The following VDAC1 variants were observed in gnomAD, a reference collection of about 807,000 sequenced individuals.
VDAC1 encodes non-selective voltage-gated ion channel VDAC1.
A neutral mutation model predicts 34.7 loss-of-function variants in VDAC1; 10 were observed. The ratio of observed to expected loss-of-function variants is 0.29; its 90% CI spans 0.18 to 0.49. The LOEUF (loss-of-function observed/expected upper bound fraction) is 0.49. VDAC1 is among the 20% of genes least tolerant of loss of function. VDAC1 has a pLI of 0.99. For missense variants in VDAC1, 230 were observed against 347.9 expected (o/e 0.66, Z 2.69); for synonymous variants, 130 against 136.0 (o/e 0.96, Z 0.30).
the VDAC1 span, among the ~76,000 whole-genome samples, chr5:134,041,712 G>A: frequency 3.3e-5 from 5 of 152,176 alleles, no homozygotes; most frequent in Admixed American, 2.0e-4. Flanking sequence ...TGGGACTTGG[G>A]CCTCCTGCCT....
At chr5:134,001,715 TAAAAA>T (rs10717143) in intron 1 of VDAC1, among the ~76,000 whole-genome samples, 3 of 110,470 alleles carry the variant, frequency 2.7e-5, no homozygotes, top group Admixed American at 9.9e-5. Context: ...AGACTCCATC[TAAAAA>T]AAAAAAAAAA....
chr5:133,995,064 T>C (rs1753247481), intron 1 of VDAC1, among the ~76,000 whole-genome samples: 1 of 152,054 alleles, frequency 6.6e-6, no homozygotes, highest in Non-Finnish European at 1.5e-5. Context: ...CTCTCATCGC[T>C]AATCCCCAAA....
chr5:133,993,771 C>T (rs1458375207), intron 1 of VDAC1, among the ~76,000 whole-genome samples: 9 of 152,196 alleles, frequency 5.9e-5, no homozygotes, highest in African/African-American at 1.2e-4. Context: ...AGTCAATCAA[C>T]AAACATTTAT....
At chr5:134,064,181 A>G in the VDAC1 span, among the ~76,000 whole-genome samples, 1 of 151,738 alleles carries the variant, frequency 6.6e-6, no homozygotes, top group Non-Finnish European at 1.5e-5. Flanking sequence ...TGAATATAAA[A>G]TTGCAATTTT....
At chr5:134,016,766 C>G in the VDAC1 span, among the ~76,000 whole-genome samples, 1 of 152,214 alleles carries the variant, frequency 6.6e-6, no homozygotes, top group African/African-American at 2.4e-5. Context: ...TGGTGCCAGC[C>G]TGGTAGAGCT....
chr5:134,031,726 G>A, the VDAC1 span, among the ~76,000 whole-genome samples: 7 of 152,150 alleles, frequency 4.6e-5, no homozygotes, highest in Non-Finnish European at 7.4e-5. Context: ...TGAGGCAGGC[G>A]GATCACTTGA....
At chr5:134,057,689 GA>G in the VDAC1 span, among the ~76,000 whole-genome samples, 15,311 of 131,952 alleles carry the variant, frequency 0.12, 976 homozygotes, top group East Asian at 0.29. Flanking sequence ...AACTCCATCT[GA>G]AAAAAAAAAA....
chr5:134,089,174 G>A, the VDAC1 span, among the ~76,000 whole-genome samples: 1 of 152,240 alleles, frequency 6.6e-6, no homozygotes, highest in Non-Finnish European at 1.5e-5. Flanking sequence ...CAAGGACAAA[G>A]AGCAGAGTGC....
At chr5:134,011,611 T>C in the VDAC1 span, among the ~76,000 whole-genome samples, 1 of 151,356 alleles carries the variant, frequency 6.6e-6, no homozygotes, top group Non-Finnish European at 1.5e-5. Context: ...GTGTGCCCAA[T>C]GTAATCCCAA....
the VDAC1 span, among the ~76,000 whole-genome samples, chr5:134,098,440 G>A: frequency 6.6e-6 from 1 of 151,948 alleles, no homozygotes; most frequent in Non-Finnish European, 1.5e-5. Flanking sequence ...GGCCAGGCTT[G>A]TCTCAAACTC....
the VDAC1 span, among the ~76,000 whole-genome samples, chr5:134,038,950 G>A: frequency 6.6e-6 from 1 of 151,954 alleles, no homozygotes; most frequent in Non-Finnish European, 1.5e-5. Context: ...GAGGGCCCAT[G>A]GAAATGCCCA....
chr5:134,020,707 C>T, the VDAC1 span, among the ~76,000 whole-genome samples: 6 of 152,026 alleles, frequency 3.9e-5, no homozygotes, highest in Non-Finnish European at 8.8e-5. Flanking sequence ...GGTGGAGTCT[C>T]GCTCAGTCAC....
At chr5:133,984,560 C>T (rs1752837023) in intron 5 of VDAC1, among the ~76,000 whole-genome samples, 1 of 152,070 alleles carries the variant, frequency 6.6e-6, no homozygotes, top group African/African-American at 2.4e-5. Flanking sequence ...GCTAGGATTA[C>T]AGGCGTGAGC....
chr5:134,057,900 G>A, the VDAC1 span, among the ~76,000 whole-genome samples: 15,987 of 151,906 alleles, frequency 0.11, 1,071 homozygotes, highest in East Asian at 0.28. Flanking sequence ...TTTTTGTTTT[G>A]TTTTGTTTTG....
chr5:133,981,820 C>T (rs986013394), intron 5 of VDAC1, among the ~76,000 whole-genome samples: 6 of 152,206 alleles, frequency 3.9e-5, no homozygotes, highest in African/African-American at 1.4e-4. Context: ...CATTCAGTTA[C>T]AAGATCGACA....
chr5:134,058,563 C>T, the VDAC1 span, among the ~76,000 whole-genome samples: 4 of 152,144 alleles, frequency 2.6e-5, no homozygotes, highest in Admixed American at 6.5e-5. Context: ...GATCCACCTG[C>T]CTTGGCCTCC....
At chr5:134,055,865 T>C in the VDAC1 span, among the ~76,000 whole-genome samples, 25 of 151,996 alleles carry the variant, frequency 1.6e-4, no homozygotes, top group African/African-American at 6.0e-4. Context: ...TTAACATCCT[T>C]CCAGACCTTT....
the VDAC1 span, among the ~76,000 whole-genome samples, chr5:134,070,635 T>G: frequency 8.3e-4 from 126 of 152,296 alleles, no homozygotes; most frequent in Middle Eastern, 3.4e-3. Context: ...ATATAGTTAT[T>G]GGTTAACAAT....
At chr5:133,987,141 C>T (rs904650591) in intron 5 of VDAC1, among the ~76,000 whole-genome samples, 1 of 149,606 alleles carries the variant, frequency 6.7e-6, no homozygotes, top group African/African-American at 2.5e-5. Context: ...GGAGGCAGAT[C>T]ACTTGAGTCA....
Sources: allele counts gnomAD v4.1 joint callset (sites outside exome capture counted in the v4.1 genomes callset), GRCh38; gene constraint gnomAD v4.1.1; transcripts MANE v1.5; gene names NCBI Gene and HGNC (gene_info 2026-07-23, HGNC 2026-07-21).